AGBL4: variants seen among roughly 807,000 people sequenced by gnomAD.
AGBL4 encodes AGBL carboxypeptidase 4, also known as cytosolic carboxypeptidase 6.
Under a neutral mutation model 66.4 loss-of-function variants are expected in AGBL4, and 58 were observed. The observed-to-expected ratio is 0.87, with a 90% CI of 0.71 to 1.09. The LOEUF is 1.09. Among genes scored for constraint, AGBL4 ranks in the 50% least tolerant of loss-of-function variants. The pLI, the probability that AGBL4 is intolerant of heterozygous loss-of-function variation, is 0.00. For missense variants in AGBL4, 579 were observed against 631.0 expected (o/e 0.92, Z 0.88); for synonymous variants, 234 against 222.9 (o/e 1.05, Z -0.44).
intron 4 of AGBL4, among the ~76,000 whole-genome samples, chr1:49,111,392 A>G (rs12031110): frequency 0.044 from 6,632 of 152,298 alleles, 342 homozygotes; most frequent in African/African-American, 0.13. Context: ...GATTACAGGC[A>G]TGAGCCACCG....
chr1:48,726,307 T>C (rs903905722), intron 6 of AGBL4, among the ~76,000 whole-genome samples: 1 of 152,184 alleles, frequency 6.6e-6, no homozygotes, highest in African/African-American at 2.4e-5. Flanking sequence ...GTGTCTTTGT[T>C]ACTCACAGAG....
chr1:49,355,945 C>T (rs551971144), intron 3 of AGBL4, among the ~76,000 whole-genome samples: 2 of 152,140 alleles, frequency 1.3e-5, no homozygotes, highest in South Asian at 2.1e-4. Flanking sequence ...GAGAGACAAT[C>T]GTAGTGTGCA....
chr1:48,736,786 T>C lies in AGBL4; in HGVS notation c.635-73545A>G, dbSNP rs1338904957. 6.6e-6 allele frequency among the ~76,000 whole-genome samples: 1 copy of C among 152,108 alleles called. No individual in the cohort carries two copies. The highest frequency in any genetic ancestry group is 1.5e-5 in the Non-Finnish European group (1 of 68,010). On this transcript the variant is annotated intron_variant, in intron 6 of 13. Coordinates refer to ENST00000371839, the MANE Select transcript of AGBL4 (RefSeq NM_032785.4). The surrounding 1 kb of genome is among the most constrained non-coding windows in gnomAD (Gnocchi z 4.0). ...ATCATTCAACTAGTAAGTGGCAGAGTTGATATTCTACACTATACTTAGTTT... is the reference window on the plus strand; with the variant it reads ...ATCATTCAACTAGTAAGTGGCAGAGCTGATATTCTACACTATACTTAGTTT...
At chr1:49,177,604 C>A (rs184574308) in intron 4 of AGBL4, among the ~76,000 whole-genome samples, 3 of 152,054 alleles carry the variant, frequency 2.0e-5, no homozygotes, top group South Asian at 4.1e-4. Flanking sequence ...CAGTGCCCAG[C>A]GTGAAGCTCT....
intron 3 of AGBL4, among the ~76,000 whole-genome samples, chr1:49,453,633 G>C (rs1422094699): frequency 6.6e-6 from 1 of 151,742 alleles, no homozygotes; most frequent in African/African-American, 2.4e-5. Flanking sequence ...GACCATAAAT[G>C]AAACAATGAA....
chr1:49,974,453 T>C (rs1278584515), intron 1 of AGBL4, among the ~76,000 whole-genome samples: 2 of 152,130 alleles, frequency 1.3e-5, no homozygotes, highest in Non-Finnish European at 2.9e-5. Context: ...AAGGAATAGA[T>C]TTCAGAAAGC....
intron 3 of AGBL4, among the ~76,000 whole-genome samples, chr1:49,407,131 T>C (rs1404456201): frequency 6.6e-6 from 1 of 151,516 alleles, no homozygotes; most frequent in Non-Finnish European, 1.5e-5. Context: ...TTGTAACAGT[T>C]AATTTTATGT....
intron 4 of AGBL4, among the ~76,000 whole-genome samples, chr1:49,128,935 A>C (rs2148062498): frequency 6.6e-6 from 1 of 152,154 alleles, no homozygotes; most frequent in East Asian, 1.9e-4. Flanking sequence ...ATAAAGCCAC[A>C]TAGAAAAAAA....
chr1:49,069,418 A>T (rs1404796461), intron 4 of AGBL4, among the ~76,000 whole-genome samples: 1 of 150,216 alleles, frequency 6.7e-6, no homozygotes, highest in Non-Finnish European at 1.5e-5. Context: ...ATAAGGTGTA[A>T]GGAAGGGATC....
chr1:49,727,155 T>C (rs1172964612), intron 2 of AGBL4, among the ~76,000 whole-genome samples: 1 of 152,174 alleles, frequency 6.6e-6, no homozygotes, highest in Non-Finnish European at 1.5e-5. Context: ...TTGAGACTTC[T>C]AGCTTAGCAA....
At chr1:48,729,975 C>T (rs533406292) in intron 6 of AGBL4, among the ~76,000 whole-genome samples, 1 of 152,138 alleles carries the variant, frequency 6.6e-6, no homozygotes, top group Non-Finnish European at 1.5e-5. Flanking sequence ...CCTATTCCAC[C>T]TGTCAGGGAC....
chr1:49,130,361 T>C (rs1330900076), intron 4 of AGBL4, among the ~76,000 whole-genome samples: 2 of 152,236 alleles, frequency 1.3e-5, no homozygotes, highest in Non-Finnish European at 2.9e-5. Context: ...CCATTGCTTT[T>C]GGTGTTTTAG....
At chr1:48,673,976 C>T (rs755450708) in intron 6 of AGBL4, among the ~76,000 whole-genome samples, 1 of 152,216 alleles carries the variant, frequency 6.6e-6, no homozygotes, top group Admixed American at 6.5e-5. Flanking sequence ...GGATGGATCT[C>T]ACTCCCGTAC....
chr1:49,759,679 T>C (rs1652157627), intron 2 of AGBL4, among the ~76,000 whole-genome samples: 1 of 152,150 alleles, frequency 6.6e-6, no homozygotes, highest in East Asian at 1.9e-4. Flanking sequence ...TCCGTGAATA[T>C]AAAACTATTC....
At chr1:48,596,066 G>A (rs1465118409) in intron 9 of AGBL4, among the ~76,000 whole-genome samples, 1 of 152,226 alleles carries the variant, frequency 6.6e-6, no homozygotes, top group Non-Finnish European at 1.5e-5. Flanking sequence ...AGCTCAGAAA[G>A]CTCAAGTAAC....
intron 9 of AGBL4, among the ~76,000 whole-genome samples, chr1:48,633,081 A>C (rs1322242811): frequency 2.0e-5 from 3 of 152,196 alleles, no homozygotes; most frequent in Admixed American, 6.5e-5. Flanking sequence ...TGAGCTGGCG[A>C]AGGAAGCAAA....
intron 2 of AGBL4, among the ~76,000 whole-genome samples, chr1:49,738,014 C>T (rs1650046173): frequency 6.6e-6 from 1 of 152,108 alleles, no homozygotes; most frequent in Admixed American, 6.5e-5. Flanking sequence ...GCATTTCCAA[C>T]TGAGGTACCA....
At chr1:49,784,459 C>T (rs1025410495) in intron 2 of AGBL4, among the ~76,000 whole-genome samples, 27 of 152,112 alleles carry the variant, frequency 1.8e-4, no homozygotes, top group Non-Finnish European at 7.4e-5. Flanking sequence ...CTTCCTCAAA[C>T]CACAAATGAT....
chr1:49,484,155 TA>T (rs1296095597), intron 3 of AGBL4, among the ~76,000 whole-genome samples: 6 of 152,078 alleles, frequency 3.9e-5, no homozygotes, highest in African/African-American at 1.4e-4. Context: ...TGTGGGAATG[TA>T]AATTAGTACA....
Sources: allele counts gnomAD v4.1 joint callset (sites outside exome capture counted in the v4.1 genomes callset), GRCh38; gene constraint gnomAD v4.1.1; non-coding constraint Gnocchi (gnomAD v3.1); transcripts MANE v1.5; gene names NCBI Gene and HGNC (gene_info 2026-07-23, HGNC 2026-07-21).